The following NDST3 variants were observed in gnomAD, a reference collection of about 807,000 sequenced individuals.
NDST3 encodes the protein N-deacetylase and N-sulfotransferase 3.
A neutral mutation model predicts 96.1 loss-of-function variants in NDST3; 58 were observed. The ratio of observed to expected loss-of-function variants is 0.60; its 90% CI spans 0.49 to 0.75. The LOEUF (loss-of-function observed/expected upper bound fraction) is 0.75. Ranked by LOEUF, NDST3 falls within the 30% of genes least tolerant of loss-of-function variation. NDST3 has a pLI of 0.00. For missense variants in NDST3, 788 were observed against 1,034.2 expected (o/e 0.76, Z 3.27); for synonymous variants, 333 against 359.7 (o/e 0.93, Z 0.84).
chr4:118,066,181 T>G (rs1184254203), intron 2 of NDST3, among the ~76,000 whole-genome samples: 1 of 22,326 alleles, frequency 4.5e-5, no homozygotes, highest in East Asian at 1.2e-3. Flanking sequence ...TTTTATATAT[T>G]ATATATCTTA....
chr4:118,079,933 T>C (rs535965010), intron 2 of NDST3, among the ~76,000 whole-genome samples: 1 of 152,170 alleles, frequency 6.6e-6, no homozygotes. Context: ...CAAGGATACC[T>C]CCTAGGATTT....
At chr4:118,249,761 C>CACACACACA (rs1491123278) in intron 12 of NDST3, among the ~76,000 whole-genome samples, 1 of 151,588 alleles carries the variant, frequency 6.6e-6, no homozygotes, top group Non-Finnish European at 1.5e-5. Flanking sequence ...CACACACACA[C>CACACACACA]ATTAGATCAC....
chr4:118,158,544 T>A (rs1014865946), intron 6 of NDST3, among the ~76,000 whole-genome samples: 1 of 152,228 alleles, frequency 6.6e-6, no homozygotes, highest in African/African-American at 2.4e-5. Context: ...GATCATCATT[T>A]TGCAGACACC....
In NDST3 at chr4:118,238,787, G is replaced by A. The variant is rs1740843370; in HGVS notation, c.2118+1567G>A. The stretch of plus-strand genomic sequence containing the variant: ...AGCGACTGACATACAGACTCCTTCG[G>A]AATGACAAAGCCCACCTGACAAAGA... On this transcript the variant is annotated intron_variant, in intron 10 of 13. Transcript: ENST00000296499. Among the ~76,000 whole-genome samples, 3 of 152,330 alleles carry A rather than the reference G, an allele frequency of 2.0e-5. No homozygotes were observed. In the South Asian group the frequency reaches 6.2e-4, roughly 32 times the overall value.
intron 6 of NDST3, among the ~76,000 whole-genome samples, chr4:118,219,419 T>A (rs1352306516): frequency 6.6e-6 from 1 of 151,962 alleles, no homozygotes; most frequent in Non-Finnish European, 1.5e-5. Flanking sequence ...TCAACACAAC[T>A]GACAAAAACA....
At chr4:118,048,844 G>A (rs369472400) in intron 1 of NDST3, among the ~76,000 whole-genome samples, 49 of 151,968 alleles carry the variant, frequency 3.2e-4, no homozygotes, top group African/African-American at 8.9e-4. Context: ...AATAAACTCC[G>A]GACTTAAACT....
chr4:118,109,127 G>A (rs771994388), intron 3 of NDST3, among the ~76,000 whole-genome samples: 9 of 152,168 alleles, frequency 5.9e-5, no homozygotes, highest in Non-Finnish European at 7.3e-5. Context: ...TCACAATGGA[G>A]AGCTCCAAGA....
chr4:118,195,240 T>C (rs1560710330), intron 6 of NDST3, among the ~76,000 whole-genome samples: 1 of 152,190 alleles, frequency 6.6e-6, no homozygotes, highest in African/African-American at 2.4e-5. Flanking sequence ...CTAGGTGATA[T>C]GGTTTGGCTG....
chr4:118,161,134 A>G (rs1480965865), intron 6 of NDST3, among the ~76,000 whole-genome samples: 1 of 152,170 alleles, frequency 6.6e-6, no homozygotes, highest in Admixed American at 6.5e-5. Flanking sequence ...CTAGAGGTCC[A>G]CTCCAGACCC....
chr4:118,135,954 A>G (rs1027533881), intron 4 of NDST3, among the ~76,000 whole-genome samples: 3 of 152,200 alleles, frequency 2.0e-5, no homozygotes, highest in Non-Finnish European at 2.9e-5. Context: ...AACTGTATAT[A>G]CATTGGTTGC....
chr4:118,098,863 T>G (rs1729553443), intron 2 of NDST3, among the ~76,000 whole-genome samples: 1 of 152,078 alleles, frequency 6.6e-6, no homozygotes. Flanking sequence ...GCTGATTAAC[T>G]CCAAAAGTGT....
intron 1 of NDST3, among the ~76,000 whole-genome samples, chr4:118,035,522 C>G (rs936841664): frequency 6.6e-6 from 1 of 150,812 alleles, no homozygotes. Flanking sequence ...GATGATATGG[C>G]AGAGAAACTC....
At chr4:118,157,277 T>C (rs1451053461) in intron 6 of NDST3, among the ~76,000 whole-genome samples, 2 of 151,864 alleles carry the variant, frequency 1.3e-5, no homozygotes, top group African/African-American at 4.8e-5. Context: ...AAGTGTTTTG[T>C]TAATTATTAA....
intron 6 of NDST3, among the ~76,000 whole-genome samples, chr4:118,183,184 A>G (rs1736714132): frequency 2.6e-5 from 4 of 152,168 alleles, no homozygotes; most frequent in Admixed American, 2.0e-4. Flanking sequence ...GTCCTTGGAA[A>G]ACAATGTTTA....
chr4:118,067,544 A>G (rs528126750), intron 2 of NDST3, among the ~76,000 whole-genome samples: 2 of 152,274 alleles, frequency 1.3e-5, no homozygotes, highest in African/African-American at 4.8e-5. Context: ...CTTTGCAAGA[A>G]CTAATTAGTA....
intron 9 of NDST3, 61 bp downstream of exon 9, chr4:118,233,196 C>G (rs1740425330): frequency 5.4e-6 from 7 of 1,303,502 alleles, no homozygotes; most frequent in Non-Finnish European, 7.1e-6. Flanking sequence ...ATAAACTTAG[C>G]ACTAATATTT....
rs878935371 is a variant in NDST3 at position 118,194,059 on chromosome 4, G to C, written c.1540-30432G>C. On this transcript the variant is annotated intron_variant, in intron 6 of 13. Coordinates refer to ENST00000296499, the MANE Select transcript of NDST3 (RefSeq NM_004784.3). ...TGAGGTGTAATTCATATTTCAGCTA[G>C]GCATTTGGTGGGATTTGGAACTTTT... 7.6e-6 allele frequency: 11 copies of C among 1,445,500 alleles called. No homozygotes were observed. In the South Asian group the frequency reaches 8.0e-5, roughly 10 times the overall value. 89.5% of individuals were successfully genotyped at this position (1,445,500 alleles called of 1,614,324 possible). A position where few individuals can be genotyped will look rare whatever the true frequency, so the allele number is the denominator to read the frequency against.
chr4:118,236,364 T>A (rs551514527), intron 9 of NDST3, among the ~76,000 whole-genome samples: 2 of 152,228 alleles, frequency 1.3e-5, no homozygotes, highest in South Asian at 2.1e-4. Flanking sequence ...TGCTGGTAAT[T>A]TGAATTCTCT....
intron 2 of NDST3, among the ~76,000 whole-genome samples, chr4:118,091,612 C>T (rs1728872274): frequency 6.6e-6 from 1 of 151,680 alleles, no homozygotes; most frequent in African/African-American, 2.4e-5. Context: ...GGATTCTCTA[C>T]TCAGGTTCTG....
Sources: gnomAD v4.1 joint callset for allele counts (sites outside exome capture counted in the v4.1 genomes callset) on GRCh38, gnomAD v4.1.1 for gene constraint, MANE v1.5 for transcripts, NCBI Gene and HGNC (gene_info 2026-07-23, HGNC 2026-07-21) for gene names.